Variants in GPR176 observed in about 807,000 individuals in gnomAD.
The protein encoded by GPR176 is G-protein coupled receptor 176.
GPR176 carries 26 observed loss-of-function variants against 35.4 expected under a neutral mutation model. The observed-to-expected ratio is 0.74, with a 90% confidence interval of 0.54 to 1.02. GPR176 has a LOEUF of 1.02. GPR176 is among the 50% of genes least tolerant of loss of function. The probability of loss-of-function intolerance (pLI) is 0.00; values close to 1 mark genes in which losing one functional copy is unlikely to be tolerated. For missense variants in GPR176, 597 were observed against 665.3 expected (o/e 0.90, Z 1.13); for synonymous variants, 278 against 271.3 (o/e 1.02, Z -0.24).
intron 1 of GPR176, among the ~76,000 whole-genome samples, chr15:39,883,053 T>G (rs1284075477): frequency 1.3e-5 from 2 of 152,230 alleles, no homozygotes; most frequent in East Asian, 3.8e-4. Context: ...ACAGCAAGTT[T>G]GAAGATGTGC....
intron 1 of GPR176, among the ~76,000 whole-genome samples, chr15:39,827,482 A>G (rs1160985582): frequency 6.6e-6 from 1 of 152,162 alleles, no homozygotes; most frequent in African/African-American, 2.4e-5. Context: ...AAGAAAGTCT[A>G]ATAGAAGTTA....
intron 1 of GPR176, among the ~76,000 whole-genome samples, chr15:39,891,481 G>T (rs531255246): frequency 1.3e-5 from 2 of 152,208 alleles, no homozygotes; most frequent in South Asian, 4.2e-4. Flanking sequence ...AGCCTTCCAA[G>T]TAGCTGAGAC....
chr15:39,830,725 A>G (rs1468178837), intron 1 of GPR176, among the ~76,000 whole-genome samples: 1 of 152,238 alleles, frequency 6.6e-6, no homozygotes, highest in Non-Finnish European at 1.5e-5. Flanking sequence ...ATGAGATTTC[A>G]ACTTTAATGC....
chr15:39,878,138 A>G (rs1397300975), intron 1 of GPR176, among the ~76,000 whole-genome samples: 2 of 26,198 alleles, frequency 7.6e-5, no homozygotes, highest in African/African-American at 2.1e-4. Context: ...GTGTGTGTTG[A>G]GAACATTTAA....
chr15:39,864,047 A>C (rs1360189825), intron 1 of GPR176, among the ~76,000 whole-genome samples: 1 of 152,216 alleles, frequency 6.6e-6, no homozygotes, highest in East Asian at 1.9e-4. Context: ...TTGAACTCTC[A>C]GAAAATAAAC....
chr15:39,913,464 G>A (rs898952420), intron 1 of GPR176, among the ~76,000 whole-genome samples: 9 of 151,866 alleles, frequency 5.9e-5, no homozygotes, highest in African/African-American at 2.2e-4. Flanking sequence ...AGAATCACTT[G>A]AGCCCGGGAA....
At chr15:39,811,929 A>C (rs1899595865) in intron 1 of GPR176, among the ~76,000 whole-genome samples, 1 of 152,154 alleles carries the variant, frequency 6.6e-6, no homozygotes. Flanking sequence ...AAAAAAAAAA[A>C]AAATCAGATT....
At chr15:39,894,300 G>T (rs865804627) in intron 1 of GPR176, among the ~76,000 whole-genome samples, 8 of 98,360 alleles carry the variant, frequency 8.1e-5, no homozygotes, top group East Asian at 3.3e-4. Flanking sequence ...GCGGCTGGCC[G>T]GGCGGGGGGC....
intron 1 of GPR176, among the ~76,000 whole-genome samples, chr15:39,852,703 T>A (rs545462148): frequency 1.3e-5 from 2 of 152,312 alleles, no homozygotes; most frequent in East Asian, 1.9e-4. Flanking sequence ...AAAGCATGTA[T>A]GAATATCAGC....
At chr15:39,890,538 T>C (rs1566964006) in intron 1 of GPR176, among the ~76,000 whole-genome samples, 2 of 152,236 alleles carry the variant, frequency 1.3e-5, no homozygotes, top group African/African-American at 4.8e-5. Context: ...TTGAGTAGTA[T>C]AGAATCATAT....
At chr15:39,913,978 G>A (rs999934237) in intron 1 of GPR176, among the ~76,000 whole-genome samples, 5 of 152,032 alleles carry the variant, frequency 3.3e-5, no homozygotes, top group South Asian at 2.1e-4. Context: ...CCTGGGAGGC[G>A]GACCTCGCAG....
chr15:39,908,546 TTTTC>T (rs2033486499), intron 1 of GPR176, among the ~76,000 whole-genome samples: 2 of 146,416 alleles, frequency 1.4e-5, no homozygotes, highest in Non-Finnish European at 3.0e-5. Flanking sequence ...ATAAAGGAGA[TTTTC>T]TTTTTTTTTT....
intron 1 of GPR176, among the ~76,000 whole-genome samples, chr15:39,846,402 C>T (rs948260823): frequency 3.3e-5 from 5 of 152,190 alleles, no homozygotes; most frequent in African/African-American, 1.2e-4. Context: ...TAGCAGAGAG[C>T]TAGAACTGCC....
At chr15:39,869,451 G>A (rs1231894143) in intron 1 of GPR176, among the ~76,000 whole-genome samples, 1 of 152,064 alleles carries the variant, frequency 6.6e-6, no homozygotes, top group Non-Finnish European at 1.5e-5. Context: ...TGCCGACCTC[G>A]GGCAGGTGTC....
At chr15:39,880,408 C>T (rs1432558604) in intron 1 of GPR176, among the ~76,000 whole-genome samples, 1 of 152,198 alleles carries the variant, frequency 6.6e-6, no homozygotes, top group African/African-American at 2.4e-5. Context: ...TGGCACTCCT[C>T]TTCTTAAACC....
At chr15:39,837,915 G>A (rs188055845) in intron 1 of GPR176, among the ~76,000 whole-genome samples, 1 of 151,602 alleles carries the variant, frequency 6.6e-6, no homozygotes. Context: ...GCACTTGGGT[G>A]GCTGAGGGAG....
intron 1 of GPR176, among the ~76,000 whole-genome samples, chr15:39,875,728 A>AT (rs2032217647): frequency 6.6e-6 from 1 of 152,220 alleles, no homozygotes; most frequent in Non-Finnish European, 1.5e-5. Context: ...AGAAAAGTGA[A>AT]TAACATATGT....
chr15:39,905,003 T>G (rs1326049417), intron 1 of GPR176, among the ~76,000 whole-genome samples: 1 of 152,070 alleles, frequency 6.6e-6, no homozygotes, highest in Non-Finnish European at 1.5e-5. Context: ...TTCCTGCCCC[T>G]CCTACAACTC....
chr15:39,865,823 C>G (rs1274832334), intron 1 of GPR176, among the ~76,000 whole-genome samples: 1 of 152,066 alleles, frequency 6.6e-6, no homozygotes, highest in Non-Finnish European at 1.5e-5. Flanking sequence ...TGCATTTTCC[C>G]TTTGACCCAG....
Sources: allele counts gnomAD v4.1 joint callset (sites outside exome capture counted in the v4.1 genomes callset), GRCh38; gene constraint gnomAD v4.1.1; transcripts MANE v1.5; gene names NCBI Gene and HGNC (gene_info 2026-07-23, HGNC 2026-07-21).